Variants in DRC11 observed in about 807,000 individuals in gnomAD.
The protein encoded by DRC11 is IQ and AAA domain-containing protein 1.
chr2:236,418,817 C>T, the DRC11 span, among the ~76,000 whole-genome samples: 2 of 152,188 alleles, frequency 1.3e-5, no homozygotes, highest in African/African-American at 4.8e-5. Flanking sequence ...AGCATTTTTA[C>T]TTCTCTCTAC....
chr2:236,403,364 G>A, the DRC11 span, among the ~76,000 whole-genome samples: 3 of 152,066 alleles, frequency 2.0e-5, no homozygotes, highest in African/African-American at 7.2e-5. Context: ...CAGGGGGACA[G>A]AGATGGAGAC....
the DRC11 span, among the ~76,000 whole-genome samples, chr2:236,487,547 A>G: frequency 6.6e-6 from 1 of 151,968 alleles, no homozygotes; most frequent in African/African-American, 2.4e-5. Context: ...TGCTTATCTG[A>G]TAAGGAAAGA....
chr2:236,341,303 C>T, the DRC11 span, among the ~76,000 whole-genome samples: 18 of 152,330 alleles, frequency 1.2e-4, no homozygotes, highest in Admixed American at 1.0e-3. Flanking sequence ...GCCTTCACCT[C>T]AGATACAAAC....
At chr2:236,344,975 G>A in the DRC11 span, among the ~76,000 whole-genome samples, 16 of 146,500 alleles carry the variant, frequency 1.1e-4, no homozygotes, top group Non-Finnish European at 2.1e-4. Flanking sequence ...GGTGTGCAGA[G>A]CCCTGGTTGT....
At chr2:236,444,049 A>G in the DRC11 span, among the ~76,000 whole-genome samples, 14 of 139,824 alleles carry the variant, frequency 1.0e-4, no homozygotes, top group Admixed American at 7.3e-4. Context: ...GTTTTTTTTC[A>G]TGTATATTTG....
At chr2:236,313,737 G>A in the DRC11 span, among the ~76,000 whole-genome samples, 7 of 152,158 alleles carry the variant, frequency 4.6e-5, no homozygotes, top group African/African-American at 9.7e-5. The surrounding 1 kb of genome is among the most constrained non-coding windows in gnomAD (Gnocchi z 4.5). Context: ...ATAAAAAGCC[G>A]TGAACCTTTA....
the DRC11 span, among the ~76,000 whole-genome samples, chr2:236,343,106 T>C: frequency 1.3e-5 from 2 of 152,144 alleles, no homozygotes; most frequent in Non-Finnish European, 2.9e-5. This position sits in a 1 kb window ranked among gnomAD's most constrained non-coding sequence, Gnocchi z 6.6. Flanking sequence ...CAGGCTCGGC[T>C]GCTTCTTCAC....
At chr2:236,465,135 C>G in the DRC11 span, among the ~76,000 whole-genome samples, 1 of 152,094 alleles carries the variant, frequency 6.6e-6, no homozygotes, top group South Asian at 2.1e-4. This position sits in a 1 kb window ranked among gnomAD's most constrained non-coding sequence, Gnocchi z 6.2. Flanking sequence ...AGGATTATGA[C>G]CGAGAGGGAC....
At chr2:236,486,685 T>G in the DRC11 span, 3 of 641,914 alleles carry the variant, frequency 4.7e-6, no homozygotes, top group Non-Finnish European at 5.5e-6. The surrounding 1 kb of genome is among the most constrained non-coding windows in gnomAD (Gnocchi z 5.7). Context: ...CTGGGCAGGC[T>G]TCTGTACCAT....
At chr2:236,415,044 C>T in the DRC11 span, among the ~76,000 whole-genome samples, 3 of 152,072 alleles carry the variant, frequency 2.0e-5, no homozygotes, top group African/African-American at 4.8e-5. The surrounding 1 kb of genome is among the most constrained non-coding windows in gnomAD (Gnocchi z 5.7). Flanking sequence ...TAATTTGTAA[C>T]GATCTCATGG....
chr2:236,482,533 T>A, the DRC11 span, among the ~76,000 whole-genome samples: 1 of 152,206 alleles, frequency 6.6e-6, no homozygotes, highest in Non-Finnish European at 1.5e-5. The surrounding 1 kb of genome is among the most constrained non-coding windows in gnomAD (Gnocchi z 4.5). Context: ...CACTACCTTG[T>A]CAATAATTAT....
chr2:236,423,266 C>A, the DRC11 span, among the ~76,000 whole-genome samples: 5 of 151,784 alleles, frequency 3.3e-5, no homozygotes, highest in Non-Finnish European at 5.9e-5. Flanking sequence ...GAACAGGCAA[C>A]CTACAGAATG....
At chr2:236,357,441 T>C in the DRC11 span, among the ~76,000 whole-genome samples, 1 of 126,760 alleles carries the variant, frequency 7.9e-6, no homozygotes, top group Non-Finnish European at 1.5e-5. Flanking sequence ...AGTATATGTA[T>C]ATTTATAAAT....
At chr2:236,326,224 T>C in the DRC11 span, among the ~76,000 whole-genome samples, 1 of 152,254 alleles carries the variant, frequency 6.6e-6, no homozygotes, top group Non-Finnish European at 1.5e-5. Flanking sequence ...TTTTAATCCT[T>C]CTTTAATTCA....
At chr2:236,324,279 AC>A in the DRC11 span, 136 of 208,122 alleles carry the variant, frequency 6.5e-4, 1 homozygote, top group African/African-American at 3.0e-3. The surrounding 1 kb of genome is among the most constrained non-coding windows in gnomAD (Gnocchi z 5.7). Flanking sequence ...CTGATGATAT[AC>A]TCATTGCTTA....
chr2:236,338,039 T>C, the DRC11 span, among the ~76,000 whole-genome samples: 5 of 152,250 alleles, frequency 3.3e-5, no homozygotes, highest in Non-Finnish European at 5.9e-5. Flanking sequence ...GGTTTATATC[T>C]GCAGCACATG....
At chr2:236,461,376 C>T in the DRC11 span, among the ~76,000 whole-genome samples, 1 of 152,178 alleles carries the variant, frequency 6.6e-6, no homozygotes, top group Admixed American at 6.5e-5. This position sits in a 1 kb window ranked among gnomAD's most constrained non-coding sequence, Gnocchi z 4.0. Flanking sequence ...GTGATTTAAT[C>T]AGAAGATTTA....
At chr2:236,487,508 GA>G in the DRC11 span, among the ~76,000 whole-genome samples, 19 of 147,978 alleles carry the variant, frequency 1.3e-4, no homozygotes, top group Admixed American at 1.3e-4. Flanking sequence ...GCCTCTATTT[GA>G]AAAAAAAAAT....
chr2:236,370,432 GGA>G, the DRC11 span, among the ~76,000 whole-genome samples: 1 of 152,186 alleles, frequency 6.6e-6, no homozygotes, highest in Non-Finnish European at 1.5e-5. This position sits in a 1 kb window ranked among gnomAD's most constrained non-coding sequence, Gnocchi z 5.5. Context: ...ACGAGAGGAA[GGA>G]GAGATTCCTT....
Sources: allele counts gnomAD v4.1 joint callset (sites outside exome capture counted in the v4.1 genomes callset), GRCh38; gene constraint gnomAD v4.1.1; non-coding constraint Gnocchi (gnomAD v3.1); transcripts MANE v1.5; gene names NCBI Gene and HGNC (gene_info 2026-07-23, HGNC 2026-07-21).